NOL9: variants seen among roughly 807,000 people sequenced by gnomAD.
The protein encoded by NOL9 is nucleolar protein 9, also known as polynucleotide 5'-hydroxyl-kinase NOL9.
Under a neutral mutation model 67.9 loss-of-function variants are expected in NOL9, and 28 were observed. The ratio of observed to expected loss-of-function variants is 0.41; its 90% CI spans 0.31 to 0.57. The LOEUF (loss-of-function observed/expected upper bound fraction) is 0.57. Among genes scored for constraint, NOL9 ranks in the 20% least tolerant of loss-of-function variants. The pLI is 0.25. For synonymous variants in NOL9, 356 were observed against 352.2 expected, an observed-to-expected ratio of 1.01 and a Z score of -0.12; for missense variants, 777 against 897.0, an observed-to-expected ratio of 0.87 and a Z score of 1.71.
chr1:6,534,873 A>C (rs2148653850), intron 6 of NOL9, among the ~76,000 whole-genome samples: 1 of 152,036 alleles, frequency 6.6e-6, no homozygotes, highest in South Asian at 2.1e-4. Context: ...GCGCAATCTC[A>C]GCTCACTGCA....
chr1:6,544,557 C>T (rs1639378334), intron 5 of NOL9, among the ~76,000 whole-genome samples: 1 of 133,250 alleles, frequency 7.5e-6, no homozygotes, highest in East Asian at 2.5e-4. Context: ...CCCCCCCGCC[C>T]CCCACCCCAG....
chr1:6,547,638 G>C (rs2148661101), intron 3 of NOL9, among the ~76,000 whole-genome samples: 1 of 152,186 alleles, frequency 6.6e-6, no homozygotes, highest in South Asian at 2.1e-4. Flanking sequence ...GTGGATTGCT[G>C]GAGTCCAAGA....
chr1:6,529,922 T>A (rs1228111130), intron 9 of NOL9, among the ~76,000 whole-genome samples: 4 of 151,834 alleles, frequency 2.6e-5, no homozygotes, highest in African/African-American at 9.7e-5. Context: ...CAAGACTCCA[T>A]CTCAAAAACA....
chr1:6,527,038 G>A (rs569967958), intron 10 of NOL9, among the ~76,000 whole-genome samples: 7 of 152,282 alleles, frequency 4.6e-5, no homozygotes, highest in Admixed American at 1.3e-4. Flanking sequence ...CTGAGATCAG[G>A]AGTTCGAGAC....
intron 10 of NOL9, among the ~76,000 whole-genome samples, chr1:6,528,281 G>A (rs762201460): frequency 6.6e-6 from 1 of 152,172 alleles, no homozygotes; most frequent in Non-Finnish European, 1.5e-5. Context: ...GCACAATTGC[G>A]CCTGGGTTCA....
chr1:6,549,077 C>A (rs942141826), intron 3 of NOL9, among the ~76,000 whole-genome samples: 13 of 151,448 alleles, frequency 8.6e-5, no homozygotes, highest in African/African-American at 2.9e-4. Context: ...AGAGAGAGTC[C>A]ATCTCAAAAC....
At chr1:6,546,193 T>C (rs1443145315) in intron 3 of NOL9, among the ~76,000 whole-genome samples, 1 of 152,146 alleles carries the variant, frequency 6.6e-6, no homozygotes, top group Middle Eastern at 3.4e-3. Flanking sequence ...GGGAGGGAAG[T>C]ATCCAAGAAA....
Position 6,522,198 on chromosome 1 carries a change from T to A in NOL9, c.*3656A>T, listed in dbSNP as rs988264944. The A allele has an allele frequency of 6.6e-6, 1 of 151,608 alleles. No individual in the cohort carries two copies. Among genetic ancestry groups the A allele is most frequent in the Non-Finnish European group, 1.5e-5 (1 of 67,910 alleles). 9.4% of individuals were successfully genotyped at this position (151,608 alleles called of 1,614,324 possible). On this transcript the variant is annotated 3_prime_UTR_variant, in exon 12 of 12. Transcript: ENST00000377705. Reference sequence around the variant, plus strand: ...ATCTCTACTAAAAATACAAAAAAAATTAGCTAGTGTAGTGGCGGGCGCCTG... The same window carrying A: ...ATCTCTACTAAAAATACAAAAAAAAATAGCTAGTGTAGTGGCGGGCGCCTG...
Position 6,525,684 on chromosome 1 carries a change from T to G in NOL9, c.*170A>C. ...AGAACAAATTCTAGCTCATGCAGCTTTAAAAGAGAAACTTAAGACTACTAT... is the reference window on the plus strand; with the variant it reads ...AGAACAAATTCTAGCTCATGCAGCTGTAAAAGAGAAACTTAAGACTACTAT... On this transcript the variant is annotated 3_prime_UTR_variant, in exon 12 of 12. Transcript: ENST00000377705. 1.4e-6 allele frequency: 1 copy of G among 707,086 alleles called. No homozygotes were observed. The highest frequency in any genetic ancestry group is 2.4e-6 in the Non-Finnish European group (1 of 419,352). 43.8% of individuals were successfully genotyped at this position (707,086 alleles called of 1,614,324 possible).
intron 3 of NOL9, among the ~76,000 whole-genome samples, chr1:6,546,309 C>T (rs1488799268): frequency 1.3e-5 from 2 of 152,210 alleles, no homozygotes; most frequent in Non-Finnish European, 2.9e-5. Context: ...GGAACATTCA[C>T]TTTCAGTAAC....
intron 6 of NOL9, among the ~76,000 whole-genome samples, chr1:6,534,952 C>T (rs1639116387): frequency 6.6e-6 from 1 of 152,080 alleles, no homozygotes; most frequent in Non-Finnish European, 1.5e-5. Context: ...TACAGGCACT[C>T]GCCACCACAC....
At chr1:6,536,221 C>T (rs997684996) in intron 6 of NOL9, among the ~76,000 whole-genome samples, 11 of 151,906 alleles carry the variant, frequency 7.2e-5, no homozygotes, top group Admixed American at 2.6e-4. Context: ...TGGCAGGCAC[C>T]TGTGGTCCCA....
intron 5 of NOL9, among the ~76,000 whole-genome samples, chr1:6,544,525 A>ACACGCACG (rs1639372935): frequency 1.4e-4 from 10 of 69,544 alleles, no homozygotes; most frequent in East Asian, 3.0e-4. Context: ...ACACACACAC[A>ACACGCACG]CACGCACGCA....
chr1:6,548,465 G>T, intron 3 of NOL9: 1 of 232,056 alleles, frequency 4.3e-6, no homozygotes, highest in South Asian at 6.8e-5. Flanking sequence ...AAGTTCTTAA[G>T]AGATTGTCCA....
In NOL9 at chr1:6,550,760, C is replaced by T. The variant is rs150654514; in HGVS notation, c.397-145G>A. On this transcript the variant is annotated intron_variant, in intron 1 of 11. Coordinates refer to ENST00000377705, the MANE Select transcript of NOL9 (RefSeq NM_024654.5). ...GTACAATGGCACAATCTCGGCTCAC[C>T]GCAACCTCCACCTCCCAGGTTCAAG... The T allele has an allele frequency of 6.8e-3, 4,047 of 599,220 alleles. 33 individuals carry two copies. Among genetic ancestry groups the T allele is most frequent in the Non-Finnish European group, 7.9e-3 (2,775 of 349,460 alleles). The allele number at this position is 599,220 out of a possible 1,614,324, so 37.1% of individuals were successfully genotyped here. A position where few individuals can be genotyped will look rare whatever the true frequency, so the allele number is the denominator to read the frequency against.
intron 1 of NOL9, among the ~76,000 whole-genome samples, chr1:6,551,878 C>T (rs893429737): frequency 2.0e-5 from 3 of 151,982 alleles, no homozygotes; most frequent in African/African-American, 7.3e-5. Context: ...AAAAAAAATA[C>T]AAAAAACTTA....
intron 9 of NOL9, among the ~76,000 whole-genome samples, chr1:6,530,937 G>A (rs1478039881): frequency 1.3e-5 from 2 of 152,222 alleles, no homozygotes; most frequent in Non-Finnish European, 2.9e-5. Flanking sequence ...ACCATTTTGG[G>A]CAAGCTGACT....
In NOL9 at chr1:6,532,552, A is replaced by G. The variant is rs1349240291; in HGVS notation, c.1446T>C (p.Asp482=). The change falls in exon 8 of 12, where the codon GAT becomes GAC. Residue 482 remains aspartate, a synonymous_variant. Coordinates refer to ENST00000377705, the MANE Select transcript of NOL9 (RefSeq NM_024654.5). The part of the protein sequence containing the change: ...AAFADALEFA[D]EEKESPVEFT... Reference sequence around the variant, plus strand: ...ACTCAACTGGACTCTCTTTTTCTTCATCAGCAAATTCCAAAGCATCTGCAA... The same window carrying G: ...ACTCAACTGGACTCTCTTTTTCTTCGTCAGCAAATTCCAAAGCATCTGCAA... 1.2e-6 allele frequency: 2 copies of G among 1,614,230 alleles called. No homozygotes were observed. Among genetic ancestry groups the G allele is most frequent in the East Asian group, 2.2e-5 (1 of 44,892 alleles).
intron 5 of NOL9, among the ~76,000 whole-genome samples, chr1:6,542,303 G>T (rs1209428405): frequency 6.6e-6 from 1 of 151,536 alleles, no homozygotes; most frequent in African/African-American, 2.4e-5. Context: ...TGGGACTACA[G>T]GCACCCACCA....
Sources: gnomAD v4.1 joint callset for allele counts (sites outside exome capture counted in the v4.1 genomes callset) on GRCh38, gnomAD v4.1.1 for gene constraint, MANE v1.5 for transcripts, NCBI Gene and HGNC (gene_info 2026-07-23, HGNC 2026-07-21) for gene names.